The following ASIC2 variants were observed in gnomAD, a reference collection of about 807,000 sequenced individuals.
ASIC2 encodes acid-sensing ion channel 2.
Under a neutral mutation model 57.3 loss-of-function variants are expected in ASIC2, and 25 were observed. The ratio of observed to expected loss-of-function variants is 0.44; its 90% CI spans 0.32 to 0.61. The LOEUF (loss-of-function observed/expected upper bound fraction) is 0.61. Among genes scored for constraint, ASIC2 ranks in the 20% least tolerant of loss-of-function variants. The pLI is 0.06. For missense variants in ASIC2, 641 were observed against 738.1 expected, an observed-to-expected ratio of 0.87 and a Z score of 1.52; for synonymous variants, 319 against 307.5, an observed-to-expected ratio of 1.04 and a Z score of -0.39.
chr17:33,715,253 C>G (rs1909184385), intron 1 of ASIC2, among the ~76,000 whole-genome samples: 1 of 152,206 alleles, frequency 6.6e-6, no homozygotes, highest in Admixed American at 6.5e-5. Context: ...CCTCGCACCT[C>G]AGCCTCACAA....
chr17:33,199,568 G>T (rs1368065109), intron 1 of ASIC2, among the ~76,000 whole-genome samples: 2 of 152,206 alleles, frequency 1.3e-5, no homozygotes, highest in Non-Finnish European at 2.9e-5. Context: ...GGGAGTTAAA[G>T]AAGTGATTAC....
intron 1 of ASIC2, among the ~76,000 whole-genome samples, chr17:33,476,504 C>CAT (rs67811038): frequency 0.05 from 6,120 of 122,286 alleles, 141 homozygotes; most frequent in Middle Eastern, 0.054. Flanking sequence ...TGTGTGTGTG[C>CAT]ATATATATAT....
intron 1 of ASIC2, among the ~76,000 whole-genome samples, chr17:33,461,835 T>C (rs1912647061): frequency 6.6e-6 from 1 of 152,132 alleles, no homozygotes; most frequent in Non-Finnish European, 1.5e-5. Context: ...TTTTTATAAA[T>C]CAAATCAGAA....
chr17:33,236,253 G>A (rs535013860), intron 1 of ASIC2, among the ~76,000 whole-genome samples: 7 of 152,230 alleles, frequency 4.6e-5, no homozygotes, highest in African/African-American at 7.2e-5. Flanking sequence ...CAAAAGGGTC[G>A]GCTGTAGTGA....
intron 1 of ASIC2, among the ~76,000 whole-genome samples, chr17:33,558,964 C>T (rs1245279358): frequency 6.6e-6 from 1 of 152,168 alleles, no homozygotes; most frequent in African/African-American, 2.4e-5. Context: ...GATGGGGTTT[C>T]ACCATGTTGG....
intron 1 of ASIC2, among the ~76,000 whole-genome samples, chr17:33,526,883 C>A (rs1914900538): frequency 6.6e-6 from 1 of 152,166 alleles, no homozygotes; most frequent in Non-Finnish European, 1.5e-5. Flanking sequence ...TCCTCATGGT[C>A]GAATGCATCT....
At chr17:33,946,276 A>G (rs1232546089) in intron 1 of ASIC2, among the ~76,000 whole-genome samples, 2 of 152,058 alleles carry the variant, frequency 1.3e-5, no homozygotes, top group African/African-American at 2.4e-5. Flanking sequence ...TTCTCTTGTC[A>G]TCTTACCATG....
chr17:33,996,686 G>A (rs965173343), intron 1 of ASIC2, among the ~76,000 whole-genome samples: 1 of 152,084 alleles, frequency 6.6e-6, no homozygotes, highest in East Asian at 1.9e-4. Flanking sequence ...GGTTTATTTT[G>A]TGCTTTCTAT....
intron 1 of ASIC2, among the ~76,000 whole-genome samples, chr17:33,191,984 C>A (rs573895031): frequency 6.6e-6 from 1 of 152,316 alleles, no homozygotes; most frequent in Non-Finnish European, 1.5e-5. Flanking sequence ...TTTTTCACTA[C>A]ACCATGAAAA....
intron 1 of ASIC2, among the ~76,000 whole-genome samples, chr17:33,552,336 G>A (rs1292373067): frequency 6.6e-6 from 1 of 152,216 alleles, no homozygotes; most frequent in African/African-American, 2.4e-5. Context: ...TGGTTGGATG[G>A]CTGCTGGAGG....
intron 1 of ASIC2, among the ~76,000 whole-genome samples, chr17:33,543,054 C>T (rs1915468018): frequency 6.9e-6 from 1 of 145,818 alleles, no homozygotes; most frequent in Admixed American, 7.1e-5. Flanking sequence ...CCAAACACCG[C>T]ATATTCTCAC....
At chr17:33,908,540 C>T (rs1915396335) in intron 1 of ASIC2, among the ~76,000 whole-genome samples, 1 of 152,232 alleles carries the variant, frequency 6.6e-6, no homozygotes, top group Admixed American at 6.5e-5. Flanking sequence ...AACAGCGTCT[C>T]AGTTCCTGAT....
intron 1 of ASIC2, among the ~76,000 whole-genome samples, chr17:33,169,488 T>C (rs780388197): frequency 1.1e-4 from 16 of 152,244 alleles, no homozygotes; most frequent in Non-Finnish European, 1.8e-4. Context: ...AAGCCTTCAC[T>C]AAAAGTTAGC....
intron 1 of ASIC2, among the ~76,000 whole-genome samples, chr17:33,558,908 A>C (rs956221720): frequency 6.6e-6 from 1 of 152,120 alleles, no homozygotes; most frequent in East Asian, 1.9e-4. Context: ...CTGGAACTAC[A>C]GGTTATGCAC....
intron 1 of ASIC2, among the ~76,000 whole-genome samples, chr17:33,774,439 G>A (rs951599542): frequency 6.6e-6 from 1 of 152,156 alleles, no homozygotes; most frequent in Non-Finnish European, 1.5e-5. Context: ...ATGGATGACT[G>A]GAATGGTTCA....
At chr17:34,017,526 A>G (rs1025843623) in intron 1 of ASIC2, among the ~76,000 whole-genome samples, 5 of 152,254 alleles carry the variant, frequency 3.3e-5, no homozygotes, top group Non-Finnish European at 4.4e-5. Context: ...TGAGGAAGGC[A>G]TGCTGAAAGC....
chr17:33,738,198 A>G, intron 1 of ASIC2, among the ~76,000 whole-genome samples: 1 of 152,116 alleles, frequency 6.6e-6, no homozygotes, highest in Non-Finnish European at 1.5e-5. Context: ...TCTGGTCCAT[A>G]TTGCCACCCA....
intron 1 of ASIC2, among the ~76,000 whole-genome samples, chr17:33,314,503 G>T (rs111623615): frequency 1.3e-5 from 2 of 152,280 alleles, no homozygotes; most frequent in African/African-American, 4.8e-5. Flanking sequence ...CTGTGCAGAA[G>T]AATTCCTAGT....
At chr17:33,848,224 A>G (rs749830042) in intron 1 of ASIC2, among the ~76,000 whole-genome samples, 6 of 152,122 alleles carry the variant, frequency 3.9e-5, no homozygotes, top group Non-Finnish European at 8.8e-5. Flanking sequence ...TACTGGAGCT[A>G]ACATGGGCCC....
Sources: gnomAD v4.1 joint callset for allele counts (sites outside exome capture counted in the v4.1 genomes callset) on GRCh38, gnomAD v4.1.1 for gene constraint, MANE v1.5 for transcripts, NCBI Gene and HGNC (gene_info 2026-07-23, HGNC 2026-07-21) for gene names.